The following DRD2 variants were observed in gnomAD, a reference collection of about 807,000 sequenced individuals.
DRD2 encodes the protein dopamine receptor D2, also known as D(2) dopamine receptor.
Under a neutral mutation model 38.0 loss-of-function variants are expected in DRD2, and 8 were observed. The observed-to-expected ratio is 0.21, with a 90% CI of 0.12 to 0.38. DRD2 has a LOEUF of 0.38. DRD2 is among the 10% of genes least tolerant of loss of function. The pLI, the probability that DRD2 is intolerant of heterozygous loss-of-function variation, is 1.00. For missense variants in DRD2, 403 were observed against 607.7 expected, an observed-to-expected ratio of 0.66 and a Z score of 3.54; for synonymous variants, 230 against 238.6, an observed-to-expected ratio of 0.96 and a Z score of 0.33.
chr11:113,467,869 AG>A (rs2119995136), intron 1 of DRD2, among the ~76,000 whole-genome samples: 1 of 152,386 alleles, frequency 6.6e-6, no homozygotes, highest in East Asian at 1.9e-4. Context: ...AGCTGCTGAC[AG>A]GTGAAAGCCA....
chr11:113,455,680 T>TA (rs1207183708), intron 1 of DRD2, among the ~76,000 whole-genome samples: 1 of 152,154 alleles, frequency 6.6e-6, no homozygotes, highest in Non-Finnish European at 1.5e-5. Flanking sequence ...ATATATTTTT[T>TA]AAAAATGCTC....
Position 113,436,509 on chromosome 11 carries a change from A to G in DRD2, c.-31-11827T>C, listed in dbSNP as rs570300623. On this transcript the variant is annotated intron_variant, in intron 1 of 7. Transcript: ENST00000362072. The stretch of plus-strand genomic sequence containing the variant: ...TTTTTTATGATATTCAGAATTATTG[A>G]TATTATGGCATTCTGGTGAATTTTT... Among the ~76,000 whole-genome samples the G allele has an allele frequency of 3.2e-4, 48 of 152,290 alleles. 1 individual carries two copies. Among genetic ancestry groups the G allele is most frequent in the Middle Eastern group, 6.8e-3 (2 of 294 alleles).
At chr11:113,425,627 C>G (rs1166578496) in intron 1 of DRD2, among the ~76,000 whole-genome samples, 1 of 151,930 alleles carries the variant, frequency 6.6e-6, no homozygotes, top group Non-Finnish European at 1.5e-5. Context: ...GGAAGCGGGA[C>G]ACCAACTGGG....
chr11:113,432,547 G>T (rs1385220915), intron 1 of DRD2, among the ~76,000 whole-genome samples: 2 of 152,164 alleles, frequency 1.3e-5, no homozygotes, highest in Admixed American at 1.3e-4. Flanking sequence ...TTGATGGCGG[G>T]TGAGACACTC....
intron 1 of DRD2, among the ~76,000 whole-genome samples, chr11:113,457,843 C>T (rs575008366): frequency 3.0e-4 from 46 of 152,364 alleles, no homozygotes; most frequent in African/African-American, 1.0e-3. Context: ...TAGGCTCTGC[C>T]ACCTTAGCCC....
Position 113,410,758 on chromosome 11 carries a change from C to A in DRD2, c.1301G>T (p.Arg434Leu). 6.2e-7 allele frequency: 1 copy of A among 1,614,170 alleles called. No homozygotes were observed. Among genetic ancestry groups the A allele is most frequent in the Non-Finnish European group, 8.5e-7 (1 of 1,180,020 alleles). ...IIYTTFNIEF[R>L]KAFLKILHC ...GTGGAGGATCTTCAGGAAGGCCTTG[C>A]GGAACTCAATGTTGAAGGTGGTGTA... The change falls in exon 8 of 8, where the codon CGC becomes CTC. Residue 434 changes from arginine to leucine, a missense_variant. Around this residue, in one of 4 missense-constraint regions of DRD2, gnomAD observed 67 missense variants for 136.1 expected, o/e 0.49. Coordinates refer to ENST00000362072, the MANE Select transcript of DRD2 (RefSeq NM_000795.4).
intron 1 of DRD2, among the ~76,000 whole-genome samples, chr11:113,437,160 G>A (rs1466799272): frequency 6.6e-6 from 1 of 152,066 alleles, no homozygotes; most frequent in Non-Finnish European, 1.5e-5. Context: ...GTGAAGTGCT[G>A]GGCACCTACT....
intron 1 of DRD2, among the ~76,000 whole-genome samples, chr11:113,459,200 T>C (rs1951293847): frequency 6.6e-6 from 1 of 152,246 alleles, no homozygotes; most frequent in South Asian, 2.1e-4. Flanking sequence ...ATAAGGAAGA[T>C]AATATAGTCA....
intron 1 of DRD2, among the ~76,000 whole-genome samples, chr11:113,445,562 C>T (rs1440323359): frequency 2.0e-5 from 3 of 152,164 alleles, no homozygotes; most frequent in Non-Finnish European, 4.4e-5. Context: ...TTTTTCCAGG[C>T]AAAGGGGAGG....
At chr11:113,460,842 A>G (rs1951311712) in intron 1 of DRD2, among the ~76,000 whole-genome samples, 1 of 152,228 alleles carries the variant, frequency 6.6e-6, no homozygotes, top group South Asian at 2.1e-4. Context: ...TCAGGGAGGT[A>G]GTGAAGGCCC....
At chr11:113,425,044 A>G in intron 1 of DRD2, 2 of 296,322 alleles carry the variant, frequency 6.7e-6, no homozygotes, top group South Asian at 7.6e-5. Context: ...AGAAATGGGT[A>G]TTCATTCATT....
intron 1 of DRD2, among the ~76,000 whole-genome samples, chr11:113,443,029 C>T (rs750547342): frequency 9.9e-5 from 15 of 152,182 alleles, no homozygotes; most frequent in South Asian, 2.1e-4. Flanking sequence ...GTCCCCTTCA[C>T]GACCAATGCT....
chr11:113,454,507 G>C (rs1456354923), intron 1 of DRD2, among the ~76,000 whole-genome samples: 2 of 152,090 alleles, frequency 1.3e-5, no homozygotes, highest in South Asian at 2.1e-4. Flanking sequence ...TGTAACTTGT[G>C]ACCCACCCAT....
intron 6 of DRD2, chr11:113,413,369 C>G (rs747921635): frequency 1.9e-6 from 1 of 522,384 alleles, no homozygotes; most frequent in African/African-American, 1.9e-5. Flanking sequence ...TCCATATTCT[C>G]CTGGATAGAC....
intron 1 of DRD2, among the ~76,000 whole-genome samples, chr11:113,430,077 C>T (rs1565666751): frequency 6.6e-6 from 1 of 152,314 alleles, no homozygotes; most frequent in East Asian, 1.9e-4. Context: ...TCCTCCTGGG[C>T]CCACTGCCTC....
intron 1 of DRD2, among the ~76,000 whole-genome samples, chr11:113,434,098 C>T (rs1029074474): frequency 6.6e-6 from 1 of 152,186 alleles, no homozygotes; most frequent in Non-Finnish European, 1.5e-5. Flanking sequence ...GGAAGCCTTC[C>T]TGCCACTCCA....
At chr11:113,447,015 G>C (rs561750866) in intron 1 of DRD2, among the ~76,000 whole-genome samples, 3 of 152,320 alleles carry the variant, frequency 2.0e-5, no homozygotes, top group African/African-American at 7.2e-5. Context: ...ACTCACACCA[G>C]ACAAGAAGAG....
intron 1 of DRD2, among the ~76,000 whole-genome samples, chr11:113,465,886 T>G (rs1951364438): frequency 6.6e-6 from 1 of 152,230 alleles, no homozygotes; most frequent in African/African-American, 2.4e-5. Flanking sequence ...CTCTGCCCAC[T>G]GATAATTACG....
At chr11:113,452,354 A>T (rs1951217091) in intron 1 of DRD2, among the ~76,000 whole-genome samples, 1 of 152,126 alleles carries the variant, frequency 6.6e-6, no homozygotes. Flanking sequence ...TGTGGTTTCC[A>T]GAAGATGGGG....
Sources: allele counts gnomAD v4.1 joint callset (sites outside exome capture counted in the v4.1 genomes callset), GRCh38; gene constraint gnomAD v4.1.1; regional missense constraint gnomAD v4.1.1; transcripts MANE v1.5; gene names NCBI Gene and HGNC (gene_info 2026-07-23, HGNC 2026-07-21).